Variants in ANKS1B observed in about 807,000 individuals in gnomAD.
The protein encoded by ANKS1B is ankyrin repeat and sterile alpha motif domain containing 1B.
ANKS1B carries 36 observed loss-of-function variants against 148.3 expected under a neutral mutation model. The observed-to-expected ratio is 0.24, with a 90% CI of 0.19 to 0.32. The LOEUF is 0.32. Among genes scored for constraint, ANKS1B ranks in the 10% least tolerant of loss-of-function variants. The pLI, the probability that ANKS1B is intolerant of heterozygous loss-of-function variation, is 1.00. For missense variants in ANKS1B, 1,157 were observed against 1,542.6 expected, an observed-to-expected ratio of 0.75 and a Z score of 4.19; for synonymous variants, 542 against 560.8, an observed-to-expected ratio of 0.97 and a Z score of 0.47.
chr12:99,777,042 C>T (rs1440962009), intron 6 of ANKS1B, among the ~76,000 whole-genome samples: 1 of 152,118 alleles, frequency 6.6e-6, no homozygotes, highest in African/African-American at 2.4e-5. Flanking sequence ...ACAATGTGGG[C>T]TCAAAATATG....
At chr12:98,819,349 ACGGCC>A (rs2099166343) in intron 19 of ANKS1B, among the ~76,000 whole-genome samples, 1 of 152,234 alleles carries the variant, frequency 6.6e-6, no homozygotes, top group Non-Finnish European at 1.5e-5. Context: ...AGGATGCTGT[ACGGCC>A]CACATCCCCC....
chr12:99,154,935 C>T, intron 14 of ANKS1B: 1 of 1,535,410 alleles, frequency 6.5e-7, no homozygotes, highest in Non-Finnish European at 8.7e-7. Context: ...TGTCTGCAAG[C>T]TGTAAGCCTG....
chr12:98,950,283 G>T (rs2099852105), intron 17 of ANKS1B, among the ~76,000 whole-genome samples: 1 of 152,162 alleles, frequency 6.6e-6, no homozygotes, highest in South Asian at 2.1e-4. Context: ...GATCACTTGA[G>T]GTCAGGAGTT....
intron 15 of ANKS1B, among the ~76,000 whole-genome samples, chr12:99,129,626 T>G (rs1166010396): frequency 6.6e-6 from 1 of 152,120 alleles, no homozygotes; most frequent in Middle Eastern, 3.2e-3. Context: ...AGCATGAAAA[T>G]GGAGATCAGA....
At chr12:98,739,948 T>C (rs1462526120), downstream of ANKS1B, among the ~76,000 whole-genome samples, 4 of 151,712 alleles carry the variant, frequency 2.6e-5, no homozygotes, top group African/African-American at 9.7e-5. Context: ...CTTATGGCCA[T>C]TGGCTTTTAG....
intron 12 of ANKS1B, among the ~76,000 whole-genome samples, chr12:99,312,021 AG>A (rs1168877885): frequency 1.3e-5 from 2 of 152,288 alleles, no homozygotes; most frequent in Non-Finnish European, 2.9e-5. Flanking sequence ...GTGTACTCGA[AG>A]CATTTGGAGA....
At chr12:99,587,863 A>T (rs949952084) in intron 9 of ANKS1B, among the ~76,000 whole-genome samples, 20 of 152,222 alleles carry the variant, frequency 1.3e-4, no homozygotes, top group African/African-American at 3.9e-4. Context: ...TGGGGTGAAT[A>T]TCAACATGGA....
intron 8 of ANKS1B, among the ~76,000 whole-genome samples, chr12:99,707,245 G>C (rs1414323975): frequency 6.6e-6 from 1 of 151,994 alleles, no homozygotes; most frequent in Non-Finnish European, 1.5e-5. Flanking sequence ...GCATCATCCA[G>C]CTACTTAAGC....
intron 17 of ANKS1B, among the ~76,000 whole-genome samples, chr12:99,002,244 C>G (rs137924705): frequency 4.5e-4 from 69 of 152,298 alleles, no homozygotes; most frequent in African/African-American, 1.6e-3. Flanking sequence ...TCCATAGCAA[C>G]AGCACCATTT....
intron 12 of ANKS1B, among the ~76,000 whole-genome samples, chr12:99,345,142 C>T (rs947230131): frequency 6.6e-6 from 1 of 151,930 alleles, no homozygotes; most frequent in Admixed American, 6.6e-5. Flanking sequence ...ATAAAATGAT[C>T]CTAATTCATC....
chr12:99,709,253 C>T (rs1323052113), intron 8 of ANKS1B, among the ~76,000 whole-genome samples: 3 of 152,116 alleles, frequency 2.0e-5, no homozygotes, highest in African/African-American at 4.8e-5. Context: ...TACCTGCATG[C>T]TGTACTCATG....
chr12:99,189,945 C>T (rs958732596), intron 14 of ANKS1B, among the ~76,000 whole-genome samples: 14 of 152,116 alleles, frequency 9.2e-5, no homozygotes, highest in Non-Finnish European at 7.4e-5. Flanking sequence ...AAAACCCCAT[C>T]GTCTCAGTTC....
At chr12:99,752,138 G>A (rs1175440953) in intron 8 of ANKS1B, among the ~76,000 whole-genome samples, 1 of 151,732 alleles carries the variant, frequency 6.6e-6, no homozygotes, top group Non-Finnish European at 1.5e-5. Context: ...TTTTTCCTGT[G>A]CCTTTCACCT....
chr12:98,872,325 G>T (rs1260717235), intron 17 of ANKS1B, among the ~76,000 whole-genome samples: 1 of 152,148 alleles, frequency 6.6e-6, no homozygotes, highest in Non-Finnish European at 1.5e-5. Flanking sequence ...GATTGCTTGA[G>T]GTCAGGAGTT....
chr12:99,065,696 C>T (rs970851672), intron 16 of ANKS1B, among the ~76,000 whole-genome samples: 1 of 125,704 alleles, frequency 8.0e-6, no homozygotes, highest in African/African-American at 2.6e-5. Flanking sequence ...ACCATCCATC[C>T]GTCCACCCAC....
intron 10 of ANKS1B, among the ~76,000 whole-genome samples, chr12:99,502,734 T>C (rs182997771): frequency 1.2e-3 from 180 of 152,308 alleles, no homozygotes; most frequent in Non-Finnish European, 1.9e-3. Context: ...GAATAATGCA[T>C]ATAAAGCACT....
At chr12:99,805,391 AG>A (rs1249207082) in intron 4 of ANKS1B, among the ~76,000 whole-genome samples, 1 of 150,814 alleles carries the variant, frequency 6.6e-6, no homozygotes, top group Non-Finnish European at 1.5e-5. Flanking sequence ...GGGGATGCCA[AG>A]GTGGAAGGAT....
intron 14 of ANKS1B, among the ~76,000 whole-genome samples, chr12:99,237,095 A>C (rs1323545317): frequency 6.6e-6 from 1 of 152,222 alleles, no homozygotes; most frequent in Admixed American, 6.5e-5. Flanking sequence ...TGAACATAAA[A>C]TAAAAGTTAA....
intron 12 of ANKS1B, among the ~76,000 whole-genome samples, chr12:99,278,727 T>A (rs2078012307): frequency 1.3e-5 from 2 of 152,150 alleles, no homozygotes; most frequent in Middle Eastern, 3.2e-3. Flanking sequence ...TGGTACATAT[T>A]TGTAAAATTA....
Sources: gnomAD v4.1 joint callset for allele counts (sites outside exome capture counted in the v4.1 genomes callset) on GRCh38, gnomAD v4.1.1 for gene constraint, MANE v1.5 for transcripts, NCBI Gene and HGNC (gene_info 2026-07-23, HGNC 2026-07-21) for gene names.